SLCO1B3: variants seen among roughly 807,000 people sequenced by gnomAD.
The protein encoded by SLCO1B3 is liver-specific organic anion transporter 2.
A neutral mutation model predicts 71.8 loss-of-function variants in SLCO1B3; 72 were observed. The observed-to-expected ratio is 1.00, with a 90% confidence interval of 0.83 to 1.22. The LOEUF is 1.22. Ranked by LOEUF, SLCO1B3 falls within the 50% of genes most tolerant of loss-of-function variation. SLCO1B3 has a pLI of 0.00. For synonymous variants in SLCO1B3, 298 were observed against 278.4 expected (o/e 1.07, Z -0.70); for missense variants, 911 against 819.7 (o/e 1.11, Z -1.36).
rs753817906 is a variant in SLCO1B3 at position 20,875,464 on chromosome 12, CA to C, written c.962del (p.Asn321MetfsTer2). On this transcript the variant is annotated frameshift_variant, in exon 9 of 16. Coordinates refer to ENST00000381545, the MANE Select transcript of SLCO1B3 (RefSeq NM_019844.4). LOFTEE classifies it high-confidence loss of function. ...NLTNQGKNVT[K>X]NVTGFFQSLK... ...TGACCAACCAAGGAAAAAATGTTAC[CA>C]AAAATGTGACTGGTAGGTATTTGAC... The C allele has an allele frequency of 6.2e-7, 1 of 1,600,850 alleles. No individual in the cohort carries two copies. Among genetic ancestry groups the C allele is most frequent in the South Asian group, 1.1e-5 (1 of 87,782 alleles).
At chr12:20,821,246 TACG>T (rs1213776353) in intron 3 of SLCO1B3, among the ~76,000 whole-genome samples, 1 of 152,176 alleles carries the variant, frequency 6.6e-6, no homozygotes. Flanking sequence ...TTGCCCGTTT[TACG>T]ACAAGAATTA....
intron 8 of SLCO1B3, among the ~76,000 whole-genome samples, chr12:20,864,396 A>C (rs757131616): frequency 3.3e-5 from 5 of 152,170 alleles, no homozygotes; most frequent in Admixed American, 1.3e-4. Context: ...ATGATTTTCT[A>C]TCTCTTGAGG....
chr12:20,909,078 C>G (rs951110797), intron 15 of SLCO1B3, among the ~76,000 whole-genome samples: 1 of 151,538 alleles, frequency 6.6e-6, no homozygotes, highest in African/African-American at 2.4e-5. Context: ...TTTGGCCATT[C>G]TAATAGGTAT....
At chr12:20,858,644 C>G in intron 5 of SLCO1B3, 73 bp downstream of exon 5, 1 of 1,429,022 alleles carries the variant, frequency 7.0e-7, no homozygotes, top group Non-Finnish European at 9.6e-7. Flanking sequence ...TATTTTTATA[C>G]TTGTAAGTGG....
At chr12:20,841,800 T>C (rs1046339430) in intron 3 of SLCO1B3, among the ~76,000 whole-genome samples, 6 of 152,160 alleles carry the variant, frequency 3.9e-5, no homozygotes, top group African/African-American at 1.4e-4. Context: ...TTGGGATTTT[T>C]TTATGTCCGA....
At chr12:20,837,460 A>C (rs1864707985) in intron 3 of SLCO1B3, among the ~76,000 whole-genome samples, 1 of 152,094 alleles carries the variant, frequency 6.6e-6, no homozygotes, top group South Asian at 2.1e-4. Context: ...CAGTGTAATA[A>C]ATTTTCCTCT....
At chr12:20,853,239 ATGTTAT>A (rs1388870106) in intron 3 of SLCO1B3, among the ~76,000 whole-genome samples, 4 of 151,738 alleles carry the variant, frequency 2.6e-5, no homozygotes, top group African/African-American at 7.3e-5. Context: ...TTCTGTCTTT[ATGTTAT>A]TTTGGTATTA....
intron 3 of SLCO1B3, among the ~76,000 whole-genome samples, chr12:20,827,975 A>G (rs114632070): frequency 0.037 from 5,585 of 152,298 alleles, 136 homozygotes; most frequent in East Asian, 0.09. Flanking sequence ...AGGTACAGAG[A>G]GAGAGTGGTG....
intron 15 of SLCO1B3, among the ~76,000 whole-genome samples, chr12:20,902,672 G>A (rs4762803): frequency 2.0e-5 from 3 of 151,956 alleles, no homozygotes; most frequent in Admixed American, 2.0e-4. Flanking sequence ...CATTACACAA[G>A]GTATTGTAAG....
chr12:20,855,378 G>A (rs987942351), intron 4 of SLCO1B3, among the ~76,000 whole-genome samples: 1 of 152,144 alleles, frequency 6.6e-6, no homozygotes, highest in Non-Finnish European at 1.5e-5. Context: ...CAGGTATGCT[G>A]CTAAACACTG....
chr12:20,909,124 G>C (rs10770758), intron 15 of SLCO1B3, among the ~76,000 whole-genome samples: 112,176 of 150,662 alleles, frequency 0.74, 44,594 homozygotes, highest in South Asian at 0.94. Flanking sequence ...ATGTGCATTT[G>C]CTTGATTTCC....
chr12:20,916,091 T>G lies in SLCO1B3; in HGVS notation c.1953T>G (p.Phe651Leu). 1 of 1,613,340 alleles carries G rather than the reference T, an allele frequency of 6.2e-7. No homozygotes were observed. The highest frequency in any genetic ancestry group is 8.5e-7 in the Non-Finnish European group (1 of 1,179,494). Residue 651 changes from phenylalanine to leucine, a missense_variant, in exon 16 of 16, where the codon TTT becomes TTG. By Grantham distance (22) the Phe-to-Leu change is conservative. Coordinates refer to ENST00000381545, the MANE Select transcript of SLCO1B3 (RefSeq NM_019844.4). ...IVFIFAMKKK[F>L]QGKDTKASDN... ...TCATTTTTGCTATGAAGAAAAAATT[T>G]CAAGGAAAAGATACCAAGGCATCGG...
Position 20,813,529 on chromosome 12 carries a change from C to T in SLCO1B3, c.-175C>T, listed in dbSNP as rs1194502683. ...TCGCCACATTGTTTCCATAGTTGTG[C>T]TTTGCGATGCTGAGTTTACTGTTTT... On this transcript the variant is annotated 5_prime_UTR_variant, in exon 2 of 16. Transcript: ENST00000381545. 1 of 152,154 alleles carries T rather than the reference C, an allele frequency of 6.6e-6. No individual in the cohort carries two copies. The highest frequency in any genetic ancestry group is 1.9e-4 in the East Asian group (1 of 5,184). The allele number at this position is 152,154 out of a possible 1,614,324, so 9.4% of individuals were successfully genotyped here.
chr12:20,815,886 G>A, intron 3 of SLCO1B3, 64 bp downstream of exon 3: 13 of 955,782 alleles, frequency 1.4e-5, no homozygotes, highest in South Asian at 9.9e-5. Flanking sequence ...GTATAGAAAG[G>A]CCACTAACTG....
At chr12:20,890,298 A>G (rs763466627) in intron 13 of SLCO1B3, among the ~76,000 whole-genome samples, 14 of 152,074 alleles carry the variant, frequency 9.2e-5, no homozygotes, top group Non-Finnish European at 1.6e-4. Context: ...TTTAATTTTC[A>G]TGTATTTGTG....
chr12:20,912,931 C>T (rs1294076014), intron 15 of SLCO1B3, among the ~76,000 whole-genome samples: 10 of 151,874 alleles, frequency 6.6e-5, no homozygotes, highest in East Asian at 3.9e-4. Context: ...CCTGCCTTGG[C>T]CTCCCAAAGT....
At chr12:20,824,540 T>C (rs1007058204) in intron 3 of SLCO1B3, among the ~76,000 whole-genome samples, 1 of 152,190 alleles carries the variant, frequency 6.6e-6, no homozygotes, top group Admixed American at 6.5e-5. Context: ...AAAGACACCA[T>C]TGACAAGTAA....
chr12:20,812,149 T>C (rs1447510915), intron 1 of SLCO1B3, among the ~76,000 whole-genome samples: 1 of 152,050 alleles, frequency 6.6e-6, no homozygotes, highest in Admixed American at 6.6e-5. Context: ...TCAGGTGATC[T>C]GCCCGCCTCG....
At position 20,852,325 on chromosome 12, in the gene SLCO1B3, AG is replaced by A. The variant is rs1233891536; in HGVS notation, c.85-2702del. Among the ~76,000 whole-genome samples, 7 of 151,912 alleles carry A rather than the reference AG, an allele frequency of 4.6e-5. No homozygotes were observed. In the East Asian group the frequency reaches 7.7e-4, roughly 17 times the overall value. On this transcript the variant is annotated intron_variant, in intron 3 of 15. Coordinates refer to ENST00000381545, the MANE Select transcript of SLCO1B3 (RefSeq NM_019844.4). The stretch of plus-strand genomic sequence containing the variant: ...GCAAGATGCCACATCTTTAAAAAAA[AG>A]TAATTAGTTAGGCATAGTGGTGCAC...
Sources: allele counts gnomAD v4.1 joint callset (sites outside exome capture counted in the v4.1 genomes callset), GRCh38; gene constraint gnomAD v4.1.1; transcripts MANE v1.5; gene names NCBI Gene and HGNC (gene_info 2026-07-23, HGNC 2026-07-21).